Variants in TOX3 observed in about 807,000 individuals in gnomAD.
TOX3 encodes the protein CAG trinucleotide repeat-containing gene F9 protein.
Under a neutral mutation model 64.3 loss-of-function variants are expected in TOX3, and 22 were observed. The ratio of observed to expected loss-of-function variants is 0.34; its 90% CI spans 0.24 to 0.49. The LOEUF (loss-of-function observed/expected upper bound fraction) is 0.49, where lower values mean the gene tolerates loss of function less well. Among genes scored for constraint, TOX3 ranks in the 20% least tolerant of loss-of-function variants. The pLI is 0.99. For synonymous variants in TOX3, 291 were observed against 273.6 expected (o/e 1.06, Z -0.63); for missense variants, 661 against 714.4 (o/e 0.93, Z 0.85).
intron 1 of TOX3, among the ~76,000 whole-genome samples, chr16:52,490,500 T>C (rs1301221253): frequency 6.6e-6 from 1 of 152,066 alleles, no homozygotes; most frequent in Non-Finnish European, 1.5e-5. Flanking sequence ...ACAAAAGGCA[T>C]TTCTCACCCC....
chr16:52,542,690 A>C (rs1205172461), intron 1 of TOX3, among the ~76,000 whole-genome samples: 1 of 152,188 alleles, frequency 6.6e-6, no homozygotes, highest in Non-Finnish European at 1.5e-5. Flanking sequence ...GGCTCTTAGG[A>C]AAACCTTATT....
At chr16:52,499,544 C>T (rs186874415) in intron 1 of TOX3, among the ~76,000 whole-genome samples, 2 of 152,290 alleles carry the variant, frequency 1.3e-5, no homozygotes, top group East Asian at 1.9e-4. Flanking sequence ...CAGATTGATT[C>T]TACGAATCCA....
At chr16:52,483,727 C>T (rs914345198) in intron 1 of TOX3, among the ~76,000 whole-genome samples, 2 of 151,856 alleles carry the variant, frequency 1.3e-5, no homozygotes, top group Non-Finnish European at 2.9e-5. Flanking sequence ...TGCCACCACA[C>T]CCGGCTAATT....
chr16:52,487,171 G>A (rs1260153769), intron 1 of TOX3, among the ~76,000 whole-genome samples: 1 of 151,958 alleles, frequency 6.6e-6, no homozygotes, highest in Non-Finnish European at 1.5e-5. Flanking sequence ...AGAAGGCCTT[G>A]TTCACCATGG....
rs171765 is a variant in TOX3 at position 52,467,779 on chromosome 16, A to T, written c.153+730T>A. On this transcript the variant is annotated intron_variant, in intron 2 of 6. Transcript: ENST00000219746. ...ACCAAACAGCAGCCCAAAATCAATA[A>T]TAGGAAATGCAGTAAAAAGAGCAGC... is the stretch of plus-strand genomic sequence containing the variant. Among the ~76,000 whole-genome samples, 157 of 152,326 alleles carry T rather than the reference A, an allele frequency of 1.0e-3. 3 individuals are homozygous for T. The South Asian group carries it at 0.029, about 28-fold the overall frequency.
intron 2 of TOX3, among the ~76,000 whole-genome samples, chr16:52,467,439 TC>T (rs1443920584): frequency 6.6e-6 from 1 of 152,152 alleles, no homozygotes; most frequent in Non-Finnish European, 1.5e-5. Context: ...TAATTCTTGA[TC>T]CCCCGTTTAT....
intron 1 of TOX3, among the ~76,000 whole-genome samples, chr16:52,509,447 C>T (rs1210837756): frequency 1.3e-5 from 2 of 152,188 alleles, no homozygotes; most frequent in African/African-American, 4.8e-5. Context: ...TTAAAGTTTT[C>T]CCACTAAAAC....
intron 1 of TOX3, among the ~76,000 whole-genome samples, chr16:52,521,832 G>A (rs1028494963): frequency 2.2e-4 from 34 of 152,154 alleles, no homozygotes. Context: ...GCGGCAACAT[G>A]GATTCTAACA....
Position 52,457,243 on chromosome 16 carries a change from A to G in TOX3, c.408+6691T>C, listed in dbSNP as rs1053823673. Among the ~76,000 whole-genome samples the G allele has an allele frequency of 4.6e-5, 7 of 152,294 alleles. No homozygotes were observed. In the South Asian group the frequency reaches 1.2e-3, roughly 27 times the overall value. ...TTTCTTTTTGCAAATCTAAGATATAAGCTTTCACCCTGACATTTTATTGTA... is the reference window on the plus strand; with the variant it reads ...TTTCTTTTTGCAAATCTAAGATATAGGCTTTCACCCTGACATTTTATTGTA... On this transcript the variant is annotated intron_variant, in intron 3 of 6. Coordinates refer to ENST00000219746, the MANE Select transcript of TOX3 (RefSeq NM_001080430.4).
rs755820045 is a variant in TOX3 at position 52,469,119 on chromosome 16, T to G, written c.88-545A>C. Among the ~76,000 whole-genome samples, 27 of 152,194 alleles carry G rather than the reference T, an allele frequency of 1.8e-4. 1 individual carries two copies. Among genetic ancestry groups the G allele is most frequent in the Non-Finnish European group, 3.2e-4 (22 of 68,034 alleles). On this transcript the variant is annotated intron_variant, in intron 1 of 6. Transcript: ENST00000219746. ...ATTTTTAAAATCTCCAAACAGAGCT[T>G]AAAGCGATATCTATATCCATCAGAG... is the stretch of plus-strand genomic sequence containing the variant.
At chr16:52,545,044 G>A (rs746016763) in intron 1 of TOX3, among the ~76,000 whole-genome samples, 2 of 152,184 alleles carry the variant, frequency 1.3e-5, no homozygotes, top group Non-Finnish European at 2.9e-5. Context: ...GAACAATTAG[G>A]TAGATTCTCA....
Position 52,495,092 on chromosome 16 carries a change from C to T in TOX3, c.88-26518G>A, listed in dbSNP as rs533870804. 2.0e-5 allele frequency among the ~76,000 whole-genome samples: 3 copies of T among 152,316 alleles called. No individual in the cohort carries two copies. In the South Asian group the frequency reaches 6.2e-4, roughly 32 times the overall value. On this transcript the variant is annotated intron_variant, in intron 1 of 6. Transcript: ENST00000219746. ...AAGGTCCTTCTCTACATTCTCATTT[C>T]CTTATCTTTAAAACAAGATAATACT... is the stretch of plus-strand genomic sequence containing the variant.
At position 52,438,633 on chromosome 16, in the gene TOX3, A is replaced by G. The variant is rs1959826637; in HGVS notation, c.*592T>C. The stretch of plus-strand genomic sequence containing the variant: ...TGGAAATTAGTCAATAATTGAATTT[A>G]GTCACTTGCATTTTTTTTCTGGAGA... On this transcript the variant is annotated 3_prime_UTR_variant, in exon 7 of 7. Coordinates refer to ENST00000219746, the MANE Select transcript of TOX3 (RefSeq NM_001080430.4). The G allele has an allele frequency of 5.3e-6, 1 of 187,664 alleles. No individual in the cohort carries two copies. The highest frequency in any genetic ancestry group is 5.7e-5 in the Admixed American group (1 of 17,564). The allele number at this position is 187,664 out of a possible 1,614,324, so 11.6% of individuals were successfully genotyped here.
At chr16:52,472,365 GT>G (rs1341056039) in intron 1 of TOX3, among the ~76,000 whole-genome samples, 1 of 152,172 alleles carries the variant, frequency 6.6e-6, no homozygotes, top group Non-Finnish European at 1.5e-5. Flanking sequence ...GCAATACCCT[GT>G]GAAATCACAG....
In TOX3 at chr16:52,467,403, A is replaced by G. The variant is rs111696786; in HGVS notation, c.153+1106T>C. On this transcript the variant is annotated intron_variant, in intron 2 of 6. Transcript: ENST00000219746. ...TGGTTAGAGAGATGATGGTCACTAT[A>G]AAAATGATTAATCTAGGAATAGCTT... Among the ~76,000 whole-genome samples the G allele has an allele frequency of 4.0e-3, 611 of 152,350 alleles. 5 individuals carry two copies. The highest frequency in any genetic ancestry group is 7.2e-3 in the Non-Finnish European group (490 of 68,036).
upstream of TOX3, chr16:52,547,374 C>G (rs1434203023): frequency 6.7e-6 from 1 of 150,124 alleles, no homozygotes; most frequent in East Asian, 2.0e-4. Context: ...CTACCTCGCC[C>G]CCCTTCCCGC....
intron 1 of TOX3, 91 bp from the exon 2 acceptor site, chr16:52,468,665 AAG>A: frequency 9.8e-7 from 1 of 1,024,608 alleles, no homozygotes; most frequent in South Asian, 1.4e-5. Flanking sequence ...TGCTAAATAA[AAG>A]AGAGTTTTAT....
chr16:52,474,888 T>C (rs1475691766), intron 1 of TOX3, among the ~76,000 whole-genome samples: 1 of 152,136 alleles, frequency 6.6e-6, no homozygotes, highest in Non-Finnish European at 1.5e-5. Context: ...TTGGCCATCG[T>C]CCTTCCCCTT....
intron 1 of TOX3, among the ~76,000 whole-genome samples, chr16:52,468,825 C>T (rs751961980): frequency 6.6e-6 from 1 of 152,140 alleles, no homozygotes; most frequent in Non-Finnish European, 1.5e-5. Context: ...GAAAGGATTA[C>T]AAACATTAAG....
Sources: gnomAD v4.1 joint callset for allele counts (sites outside exome capture counted in the v4.1 genomes callset) on GRCh38, gnomAD v4.1.1 for gene constraint, MANE v1.5 for transcripts, NCBI Gene and HGNC (gene_info 2026-07-23, HGNC 2026-07-21) for gene names.